Variants in BZW2 observed in about 807,000 individuals in gnomAD.
BZW2 encodes the protein eIF5-mimic protein 1.
BZW2 carries 23 observed loss-of-function variants against 53.2 expected under a neutral mutation model. The observed-to-expected ratio is 0.43, with a 90% CI of 0.31 to 0.61. The LOEUF is 0.61. Among genes scored for constraint, BZW2 ranks in the 20% least tolerant of loss-of-function variants. The probability of loss-of-function intolerance (pLI) is 0.09; values close to 1 mark genes in which losing one functional copy is unlikely to be tolerated. For synonymous variants in BZW2, 227 were observed against 186.4 expected (o/e 1.22, Z -1.77); for missense variants, 409 against 503.1 (o/e 0.81, Z 1.79).
intron 2 of BZW2, among the ~76,000 whole-genome samples, chr7:16,667,993 A>T (rs1782482142): frequency 6.6e-6 from 1 of 152,244 alleles, no homozygotes. Context: ...GGATGATTTT[A>T]AAAGGATTTA....
At chr7:16,704,189 C>G (rs1434517593) in intron 10 of BZW2, among the ~76,000 whole-genome samples, 2 of 152,082 alleles carry the variant, frequency 1.3e-5, no homozygotes, top group African/African-American at 2.4e-5. Context: ...CTTGGCAGGA[C>G]CCAAAATGTT....
chr7:16,691,427 A>G lies in BZW2; in HGVS notation c.651+1521A>G, dbSNP rs527916068. Among the ~76,000 whole-genome samples the G allele has an allele frequency of 1.1e-4, 16 of 152,340 alleles. No individual in the cohort carries two copies. The East Asian group carries it at 3.1e-3, about 29-fold the overall frequency. ...GTCCATGAGGCTGTGGGTTGTCTAT[A>G]GATTAGCTCTATCTTGGCTAAGCCT... On this transcript the variant is annotated intron_variant, in intron 7 of 11. Coordinates refer to ENST00000258761, the MANE Select transcript of BZW2 (RefSeq NM_014038.3).
intron 7 of BZW2, among the ~76,000 whole-genome samples, chr7:16,692,342 T>C (rs1783335452): frequency 6.6e-6 from 1 of 152,132 alleles, no homozygotes; most frequent in Non-Finnish European, 1.5e-5. Context: ...TGCCAGAAAC[T>C]TCCAAGAGAT....
In BZW2 at chr7:16,674,507, C is replaced by G. The variant is rs539320736; in HGVS notation, c.154C>G (p.Leu52Val). 1 of 1,613,488 alleles carries G rather than the reference C, an allele frequency of 6.2e-7. No homozygotes were observed. Among genetic ancestry groups the G allele is most frequent in the African/African-American group, 1.3e-5 (1 of 75,040 alleles). The change falls in exon 3 of 12, where the codon CTG becomes GTG. Residue 52 changes from leucine (L) to valine (V), a missense_variant. By Grantham distance (32) the Leu-to-Val change is conservative. Coordinates refer to ENST00000258761, the MANE Select transcript of BZW2 (RefSeq NM_014038.3). The part of the protein sequence containing the change: ...GDDLEAVAKF[L>V]DSTGSRLDYR... ...TGACCTTGAAGCTGTAGCCAAATTT[C>G]TGGACTCTACAGGCTCAAGATTAGA... is the stretch of plus-strand genomic sequence containing the variant.
intron 3 of BZW2, among the ~76,000 whole-genome samples, chr7:16,676,158 C>G (rs1408539931): frequency 1.3e-5 from 2 of 152,212 alleles, no homozygotes; most frequent in African/African-American, 4.8e-5. Flanking sequence ...ATTCTGCATG[C>G]TGATTTGTAT....
intron 2 of BZW2, among the ~76,000 whole-genome samples, chr7:16,665,847 G>A (rs1348402608): frequency 6.6e-6 from 1 of 152,084 alleles, no homozygotes; most frequent in Non-Finnish European, 1.5e-5. Context: ...AACGTTGATG[G>A]CAAAGATGAT....
intron 1 of BZW2, among the ~76,000 whole-genome samples, chr7:16,660,651 C>T (rs1465419010): frequency 6.6e-6 from 1 of 152,056 alleles, no homozygotes; most frequent in East Asian, 1.9e-4. Context: ...CACAGCCTAA[C>T]ATAAGTAACC....
intron 6 of BZW2, 189 bp downstream of exon 6, chr7:16,686,229 T>C (rs947634089): frequency 2.3e-6 from 2 of 884,270 alleles, no homozygotes; most frequent in Non-Finnish European, 3.3e-6. Context: ...TTGTAGGAAG[T>C]TTGAAGGAAA....
intron 1 of BZW2, chr7:16,662,401 A>G (rs1782294296): frequency 6.6e-6 from 1 of 152,148 alleles, no homozygotes; most frequent in Admixed American, 6.5e-5. Flanking sequence ...TTATAAAGAA[A>G]CAAACTTTTA....
Position 16,706,302 on chromosome 7 carries a change from T to C in BZW2, c.*214T>C. Reference sequence around the variant, plus strand: ...GCTATTATACTTGGGACTCTACCTCTCACTCACTATATGCTAACTTAAAGC... The same window carrying C: ...GCTATTATACTTGGGACTCTACCTCCCACTCACTATATGCTAACTTAAAGC... On this transcript the variant is annotated 3_prime_UTR_variant, in exon 12 of 12. Coordinates refer to ENST00000258761, the MANE Select transcript of BZW2 (RefSeq NM_014038.3). 1 of 543,650 alleles carries C rather than the reference T, an allele frequency of 1.8e-6. No individual in the cohort carries two copies. The highest frequency in any genetic ancestry group is 2.4e-5 in the South Asian group (1 of 41,456). The allele number at this position is 543,650 out of a possible 1,614,324, so 33.7% of individuals were successfully genotyped here. A position where few individuals can be genotyped will look rare whatever the true frequency, so the allele number is the denominator to read the frequency against.
chr7:16,656,637 G>C (rs958912496), intron 1 of BZW2, among the ~76,000 whole-genome samples: 22 of 151,298 alleles, frequency 1.5e-4, no homozygotes, highest in Non-Finnish European at 3.2e-4. Context: ...GCATGAATCA[G>C]TTTTTTATTT....
At chr7:16,660,652 A>G (rs1782229872) in intron 1 of BZW2, among the ~76,000 whole-genome samples, 1 of 152,168 alleles carries the variant, frequency 6.6e-6, no homozygotes, top group South Asian at 2.1e-4. Flanking sequence ...ACAGCCTAAC[A>G]TAAGTAACCA....
intron 1 of BZW2, among the ~76,000 whole-genome samples, chr7:16,659,998 C>G (rs1268390337): frequency 6.6e-6 from 1 of 151,778 alleles, no homozygotes; most frequent in Admixed American, 6.6e-5. Context: ...TATCCCTTCC[C>G]CCTCCCCCAC....
intron 1 of BZW2, among the ~76,000 whole-genome samples, chr7:16,648,081 A>G (rs1014187947): frequency 4.6e-5 from 7 of 150,578 alleles, no homozygotes; most frequent in African/African-American, 1.8e-4. Flanking sequence ...CAAATAAATC[A>G]TGTTCAGTTT....
chr7:16,692,317 A>T (rs1783335030), intron 7 of BZW2, among the ~76,000 whole-genome samples: 1 of 152,224 alleles, frequency 6.6e-6, no homozygotes, highest in African/African-American at 2.4e-5. Flanking sequence ...ATAAGTATGT[A>T]TCGATTATAT....
intron 8 of BZW2, among the ~76,000 whole-genome samples, chr7:16,695,546 C>A (rs762474873): frequency 2.4e-4 from 36 of 152,154 alleles, no homozygotes; most frequent in Non-Finnish European, 4.6e-4. Flanking sequence ...AATGTAAAAG[C>A]TATATTTTTT....
intron 6 of BZW2, among the ~76,000 whole-genome samples, chr7:16,688,894 C>A (rs1012210445): frequency 1.3e-5 from 2 of 152,062 alleles, no homozygotes; most frequent in Admixed American, 1.3e-4. Flanking sequence ...CTTGAAACAG[C>A]CTTGGTATTT....
intron 11 of BZW2, 39 bp downstream of exon 11, chr7:16,704,708 C>T (rs1583760758): frequency 1.1e-5 from 16 of 1,500,544 alleles, no homozygotes; most frequent in African/African-American, 1.4e-5. Context: ...CCTTTAAACA[C>T]TGTCTCATTA....
At chr7:16,697,922 A>G (rs947292559) in intron 9 of BZW2, 126 bp from the exon 10 acceptor site, 4 of 1,173,684 alleles carry the variant, frequency 3.4e-6, no homozygotes, top group Non-Finnish European at 3.6e-6. Flanking sequence ...ATATGATGAT[A>G]AAAGGTGTCA....
Sources: allele counts gnomAD v4.1 joint callset (sites outside exome capture counted in the v4.1 genomes callset), GRCh38; gene constraint gnomAD v4.1.1; transcripts MANE v1.5; gene names NCBI Gene and HGNC (gene_info 2026-07-23, HGNC 2026-07-21).